Variants in SNTB2 observed in about 807,000 individuals in gnomAD.
The protein encoded by SNTB2 is beta-2-syntrophin.
A neutral mutation model predicts 46.2 loss-of-function variants in SNTB2; 34 were observed. The ratio of observed to expected loss-of-function variants is 0.74; its 90% confidence interval spans 0.56 to 0.98. The LOEUF is 0.98. Among genes scored for constraint, SNTB2 ranks in the 50% least tolerant of loss-of-function variants. The pLI is 0.00. For synonymous variants in SNTB2, 290 were observed against 312.6 expected, an observed-to-expected ratio of 0.93 and a Z score of 0.76; for missense variants, 603 against 731.4, an observed-to-expected ratio of 0.82 and a Z score of 2.02.
chr16:69,235,950 C>A, intron 1 of SNTB2: 1 of 926,766 alleles, frequency 1.1e-6, no homozygotes, highest in Non-Finnish European at 1.4e-6. Flanking sequence ...TAGTAAGCTC[C>A]CATTACTTTC....
chr16:69,291,247 A>C, intron 5 of SNTB2, among the ~76,000 whole-genome samples: 1 of 152,258 alleles, frequency 6.6e-6, no homozygotes, highest in East Asian at 1.9e-4. Context: ...AGGTGCTCTG[A>C]GTAACACACA....
chr16:69,293,054 ATG>A (rs1294404302), intron 5 of SNTB2, among the ~76,000 whole-genome samples: 1 of 152,178 alleles, frequency 6.6e-6, no homozygotes, highest in Non-Finnish European at 1.5e-5. Context: ...GTAGGAGTAA[ATG>A]TATTAGTTGG....
chr16:69,222,262 TA>T (rs1964412521), intron 1 of SNTB2, among the ~76,000 whole-genome samples: 1 of 152,164 alleles, frequency 6.6e-6, no homozygotes, highest in Non-Finnish European at 1.5e-5. Flanking sequence ...TTTTAAATGA[TA>T]AGTATAGCTT....
Position 69,302,424 on chromosome 16 carries a change from G to T in SNTB2, c.*1500G>T, listed in dbSNP as rs2143214598. ...CTCTCTGAAGAAAGGTCTAGGGAAA[G>T]TTCTTGTTTGCTTGATTGATCAAGA... On this transcript the variant is annotated 3_prime_UTR_variant, in exon 7 of 7. Transcript: ENST00000336278. 1 of 152,390 alleles carries T rather than the reference G, an allele frequency of 6.6e-6. No individual in the cohort carries two copies. The highest frequency in any genetic ancestry group is 3.4e-3 in the Middle Eastern group (1 of 294). The allele number at this position is 152,390 out of a possible 1,614,324, so 9.4% of individuals were successfully genotyped here.
chr16:69,245,890 CTG>C, intron 2 of SNTB2, 75 bp downstream of exon 2: 2 of 1,427,680 alleles, frequency 1.4e-6, no homozygotes, highest in Non-Finnish European at 2.0e-6. Context: ...TTATATGACT[CTG>C]TTAACTCAGT....
chr16:69,285,378 A>G (rs1258138591), intron 5 of SNTB2, among the ~76,000 whole-genome samples: 8 of 140,680 alleles, frequency 5.7e-5, no homozygotes, highest in East Asian at 4.1e-4. Context: ...TTTTTTTTAG[A>G]GTGGAGATCT....
At chr16:69,279,806 G>A (rs1965021413) in intron 4 of SNTB2, among the ~76,000 whole-genome samples, 1 of 150,596 alleles carries the variant, frequency 6.6e-6, no homozygotes, top group African/African-American at 2.4e-5. Flanking sequence ...GGGATTACAG[G>A]TGTGAGCCAC....
At chr16:69,223,191 ATTT>A (rs548334873) in intron 1 of SNTB2, among the ~76,000 whole-genome samples, 6 of 135,040 alleles carry the variant, frequency 4.4e-5, no homozygotes, top group East Asian at 2.2e-4. Context: ...AAAACTAAGA[ATTT>A]TTTTTTTTTT....
chr16:69,218,503 G>A (rs1351212669), intron 1 of SNTB2, among the ~76,000 whole-genome samples: 1 of 151,234 alleles, frequency 6.6e-6, no homozygotes, highest in African/African-American at 2.4e-5. Context: ...CTCACTGCAA[G>A]CTCTGCCTCC....
intron 1 of SNTB2, chr16:69,235,579 A>ATTTCT (rs1358234509): frequency 2.4e-5 from 16 of 661,460 alleles, no homozygotes; most frequent in Non-Finnish European, 2.8e-5. Flanking sequence ...AATGAGACCA[A>ATTTCT]AGTGGGGGAG....
chr16:69,238,155 A>G (rs542932825), intron 1 of SNTB2, among the ~76,000 whole-genome samples: 1 of 152,240 alleles, frequency 6.6e-6, no homozygotes, highest in African/African-American at 2.4e-5. Context: ...GCCAATGTAG[A>G]GCCCCAATAG....
At chr16:69,218,932 G>A (rs1295535323) in intron 1 of SNTB2, among the ~76,000 whole-genome samples, 1 of 152,152 alleles carries the variant, frequency 6.6e-6, no homozygotes, top group Admixed American at 6.5e-5. Flanking sequence ...GATACTGGTT[G>A]GGTCTGTCCT....
intron 1 of SNTB2, 56 bp from the exon 2 acceptor site, chr16:69,245,543 TATC>T: frequency 6.7e-7 from 1 of 1,492,004 alleles, no homozygotes. Context: ...ATACTTTAGT[TATC>T]ATTTATTATA....
In SNTB2 at chr16:69,299,089, T is replaced by A. The variant is rs560913724; in HGVS notation, c.1346-501T>A. On this transcript the variant is annotated intron_variant, in intron 5 of 6. Coordinates refer to ENST00000336278, the MANE Select transcript of SNTB2 (RefSeq NM_006750.4). The stretch of plus-strand genomic sequence containing the variant: ...CTCGAGGAATTAAATCGAACAGATG[T>A]CAAGGAGTGTTATGGTCATTTCTGC... Among the ~76,000 whole-genome samples the A allele has an allele frequency of 4.6e-5, 7 of 152,216 alleles. No individual in the cohort carries two copies. In the South Asian group the frequency reaches 1.2e-3, roughly 27 times the overall value.
At chr16:69,275,148 C>A (rs1260847522) in intron 4 of SNTB2, among the ~76,000 whole-genome samples, 2 of 151,802 alleles carry the variant, frequency 1.3e-5, no homozygotes, top group Admixed American at 6.6e-5. Flanking sequence ...TCATAGCTCA[C>A]TGTAACCTCA....
At chr16:69,280,025 T>G (rs1965024664) in intron 4 of SNTB2, among the ~76,000 whole-genome samples, 1 of 152,178 alleles carries the variant, frequency 6.6e-6, no homozygotes, top group Non-Finnish European at 1.5e-5. Context: ...GCAGTGTTTG[T>G]GTCCCTGGGT....
chr16:69,284,713 G>A (rs1157446239), intron 5 of SNTB2, among the ~76,000 whole-genome samples: 1 of 152,160 alleles, frequency 6.6e-6, no homozygotes, highest in Non-Finnish European at 1.5e-5. Context: ...GGCGGAGGTT[G>A]CAGTGAGCCA....
At chr16:69,220,583 G>C (rs114476858) in intron 1 of SNTB2, among the ~76,000 whole-genome samples, 1 of 151,188 alleles carries the variant, frequency 6.6e-6, no homozygotes, top group South Asian at 2.1e-4. Flanking sequence ...GCTGGAGTGC[G>C]GTGGCACAAT....
intron 2 of SNTB2, among the ~76,000 whole-genome samples, chr16:69,258,527 G>A (rs938164396): frequency 1.3e-5 from 2 of 151,096 alleles, no homozygotes; most frequent in Non-Finnish European, 2.9e-5. Context: ...TTCACTGGAG[G>A]AGTAATCATA....
Sources: allele counts gnomAD v4.1 joint callset (sites outside exome capture counted in the v4.1 genomes callset), GRCh38; gene constraint gnomAD v4.1.1; transcripts MANE v1.5; gene names NCBI Gene and HGNC (gene_info 2026-07-23, HGNC 2026-07-21).